FBXL7: variants seen among roughly 807,000 people sequenced by gnomAD.
FBXL7 encodes the protein F-box and leucine rich repeat protein 7, also known as F-box/LRR-repeat protein 7.
In FBXL7, 12 loss-of-function variants were observed where a neutral mutation model predicts 38.3. The observed-to-expected ratio is 0.31, with a 90% CI of 0.20 to 0.51. FBXL7 has a LOEUF of 0.51. Ranked by LOEUF, FBXL7 falls within the 20% of genes least tolerant of loss-of-function variation. The pLI, the probability that FBXL7 is intolerant of heterozygous loss-of-function variation, is 0.98. For synonymous variants in FBXL7, 297 were observed against 300.9 expected, an observed-to-expected ratio of 0.99 and a Z score of 0.13; for missense variants, 567 against 676.4, an observed-to-expected ratio of 0.84 and a Z score of 1.79.
intron 1 of FBXL7, among the ~76,000 whole-genome samples, chr5:15,592,701 G>T (rs574339431): frequency 6.6e-6 from 1 of 152,208 alleles, no homozygotes; most frequent in East Asian, 1.9e-4. Context: ...ATCTAGTCCG[G>T]ACCTTTAGTT....
intron 2 of FBXL7, among the ~76,000 whole-genome samples, chr5:15,632,393 A>G (rs746769532): frequency 1.4e-4 from 21 of 152,208 alleles, no homozygotes; most frequent in Non-Finnish European, 2.5e-4. Flanking sequence ...TTTAGCCACT[A>G]AAAACGTGTT....
chr5:15,832,409 A>C (rs866614901), intron 2 of FBXL7, among the ~76,000 whole-genome samples: 1 of 152,336 alleles, frequency 6.6e-6, no homozygotes, highest in East Asian at 1.9e-4. Context: ...GTTCCTTAAC[A>C]AATACCAGTT....
chr5:15,540,587 G>T (rs1320895623), intron 1 of FBXL7, among the ~76,000 whole-genome samples: 2 of 152,130 alleles, frequency 1.3e-5, no homozygotes, highest in South Asian at 2.1e-4. Context: ...CTGGTATCTT[G>T]TCCATTCAAG....
chr5:15,710,364 C>G (rs1743823833), intron 2 of FBXL7, among the ~76,000 whole-genome samples: 1 of 152,106 alleles, frequency 6.6e-6, no homozygotes, highest in African/African-American at 2.4e-5. Context: ...ACCTCAAGGC[C>G]TCTGCATTTG....
intron 2 of FBXL7, among the ~76,000 whole-genome samples, chr5:15,841,307 A>C (rs1388258811): frequency 1.3e-5 from 2 of 152,076 alleles, no homozygotes; most frequent in Non-Finnish European, 2.9e-5. Context: ...ATTAAATTTG[A>C]CCTATGTTAG....
At chr5:15,886,285 CTG>C (rs1447174312) in intron 2 of FBXL7, among the ~76,000 whole-genome samples, 1 of 151,550 alleles carries the variant, frequency 6.6e-6, no homozygotes, top group African/African-American at 2.4e-5. Flanking sequence ...GTGTGTGTGT[CTG>C]TGTGTATGCA....
At chr5:15,650,957 A>G (rs1435599844) in intron 2 of FBXL7, among the ~76,000 whole-genome samples, 1 of 152,150 alleles carries the variant, frequency 6.6e-6, no homozygotes, top group African/African-American at 2.4e-5. Context: ...TAATGTTGAT[A>G]TTTTGACCTG....
intron 2 of FBXL7, among the ~76,000 whole-genome samples, chr5:15,826,635 TC>T (rs1217620669): frequency 6.6e-6 from 1 of 152,010 alleles, no homozygotes; most frequent in African/African-American, 2.4e-5. Flanking sequence ...GCCAGGCTGG[TC>T]CCAAACTCCT....
chr5:15,775,479 A>AC (rs2126715197), intron 2 of FBXL7, among the ~76,000 whole-genome samples: 1 of 152,078 alleles, frequency 6.6e-6, no homozygotes, highest in African/African-American at 2.4e-5. Flanking sequence ...GCTTCATCCC[A>AC]CCCCATGAAA....
intron 1 of FBXL7, 36 bp from the exon 2 acceptor site, chr5:15,615,947 C>T (rs1224786804): frequency 1.3e-6 from 2 of 1,498,078 alleles, no homozygotes; most frequent in East Asian, 4.6e-5. Context: ...TCTGAAATTA[C>T]AAATCTCAAA....
At chr5:15,556,137 A>G (rs1017026519) in intron 1 of FBXL7, among the ~76,000 whole-genome samples, 2 of 151,970 alleles carry the variant, frequency 1.3e-5, no homozygotes, top group African/African-American at 4.8e-5. Context: ...ATTGACATAT[A>G]GAAGGAGCTT....
intron 2 of FBXL7, among the ~76,000 whole-genome samples, chr5:15,699,188 T>C (rs1489271543): frequency 6.6e-6 from 1 of 151,964 alleles, no homozygotes; most frequent in Admixed American, 6.6e-5. Context: ...AATTGGGGGG[T>C]ATGTTCATTT....
At chr5:15,565,659 G>T (rs901823922) in intron 1 of FBXL7, among the ~76,000 whole-genome samples, 10 of 152,076 alleles carry the variant, frequency 6.6e-5, no homozygotes, top group Non-Finnish European at 1.2e-4. Context: ...CAGTCAGCAA[G>T]CCTGAAACCC....
At chr5:15,907,782 C>T (rs1413912480) in intron 2 of FBXL7, among the ~76,000 whole-genome samples, 1 of 96,448 alleles carries the variant, frequency 1.0e-5, no homozygotes, top group Admixed American at 1.2e-4. Flanking sequence ...GGAATCCTTT[C>T]CCCATTGCTT....
chr5:15,648,769 C>T (rs561410230), intron 2 of FBXL7, among the ~76,000 whole-genome samples: 30 of 152,284 alleles, frequency 2.0e-4, no homozygotes, highest in African/African-American at 6.5e-4. Flanking sequence ...CTCAGTTGAA[C>T]GATGAACTCC....
At chr5:15,720,804 G>C (rs1428026608) in intron 2 of FBXL7, among the ~76,000 whole-genome samples, 1 of 75,616 alleles carries the variant, frequency 1.3e-5, no homozygotes, top group African/African-American at 3.9e-5. Context: ...ATCATTATTA[G>C]AGTATAATAT....
chr5:15,701,808 C>A (rs930132617), intron 2 of FBXL7, among the ~76,000 whole-genome samples: 46 of 152,276 alleles, frequency 3.0e-4, no homozygotes, highest in African/African-American at 9.6e-4. Flanking sequence ...CTTCATAAAT[C>A]TTCACTAATT....
chr5:15,610,990 C>A (rs1420354061), intron 1 of FBXL7, among the ~76,000 whole-genome samples: 1 of 152,196 alleles, frequency 6.6e-6, no homozygotes, highest in East Asian at 1.9e-4. Context: ...CACTCCAGAT[C>A]TTCCATGCTA....
At chr5:15,844,636 G>C (rs1738842698) in intron 2 of FBXL7, among the ~76,000 whole-genome samples, 1 of 152,190 alleles carries the variant, frequency 6.6e-6, no homozygotes, top group African/African-American at 2.4e-5. Context: ...ACAGCCCCCA[G>C]TGTCTTACCC....
Sources: gnomAD v4.1 joint callset for allele counts (sites outside exome capture counted in the v4.1 genomes callset) on GRCh38, gnomAD v4.1.1 for gene constraint, MANE v1.5 for transcripts, NCBI Gene and HGNC (gene_info 2026-07-23, HGNC 2026-07-21) for gene names.